Variants in LINGO2 observed in about 807,000 individuals in gnomAD.
The protein encoded by LINGO2 is leucine rich repeat and Ig domain containing 2, also known as leucine-rich repeat and immunoglobulin-like domain-containing nogo receptor-interacting protein 2.
LINGO2 carries 14 observed loss-of-function variants against 30.6 expected under a neutral mutation model. The ratio of observed to expected loss-of-function variants is 0.46; its 90% CI spans 0.30 to 0.72. The LOEUF (loss-of-function observed/expected upper bound fraction) is 0.72, where lower values mean the gene tolerates loss of function less well. Ranked by LOEUF, LINGO2 falls within the 30% of genes least tolerant of loss-of-function variation. The pLI is 0.07. For synonymous variants in LINGO2, 317 were observed against 288.5 expected (o/e 1.10, Z -1.00); for missense variants, 729 against 751.7 (o/e 0.97, Z 0.35).
chr9:28,872,101 C>G, the LINGO2 span, among the ~76,000 whole-genome samples: 7 of 151,902 alleles, frequency 4.6e-5, no homozygotes, highest in Non-Finnish European at 1.0e-4. Flanking sequence ...CATAAAATCA[C>G]AGAACCATAA....
At chr9:28,895,060 T>G in the LINGO2 span, among the ~76,000 whole-genome samples, 1 of 152,146 alleles carries the variant, frequency 6.6e-6, no homozygotes, top group Admixed American at 6.6e-5. Context: ...TTTACTGACC[T>G]AGTTTCTATT....
the LINGO2 span, among the ~76,000 whole-genome samples, chr9:29,065,302 T>G: frequency 3.3e-5 from 5 of 152,176 alleles, no homozygotes. Flanking sequence ...ATTTTTGTTT[T>G]TGTTGCAATT....
chr9:28,943,932 T>C, the LINGO2 span, among the ~76,000 whole-genome samples: 8 of 152,206 alleles, frequency 5.3e-5, no homozygotes, highest in African/African-American at 1.9e-4. Flanking sequence ...TAAACATTCA[T>C]GAGTAACACA....
chr9:29,011,950 G>A, the LINGO2 span, among the ~76,000 whole-genome samples: 1 of 152,104 alleles, frequency 6.6e-6, no homozygotes, highest in African/African-American at 2.4e-5. Context: ...TGGGGAAAAG[G>A]ACAATAACAA....
intron 4 of LINGO2, chr9:28,149,339 G>T: frequency 2.0e-6 from 1 of 501,500 alleles, no homozygotes; most frequent in Non-Finnish European, 3.6e-6. Flanking sequence ...GAGCGCCTCT[G>T]CCCGGCTGCT....
At chr9:28,809,051 G>A in the LINGO2 span, among the ~76,000 whole-genome samples, 1 of 152,112 alleles carries the variant, frequency 6.6e-6, no homozygotes, top group Admixed American at 6.5e-5. Flanking sequence ...TAGGGGGCAT[G>A]GCTTTGCCTG....
chr9:28,613,575 T>C (rs1587960924), intron 1 of LINGO2, among the ~76,000 whole-genome samples: 1 of 152,220 alleles, frequency 6.6e-6, no homozygotes, highest in African/African-American at 2.4e-5. Flanking sequence ...TATAAATATG[T>C]CACCTCTGCC....
intron 1 of LINGO2, among the ~76,000 whole-genome samples, chr9:28,525,242 C>A (rs903524256): frequency 1.3e-5 from 2 of 152,108 alleles, no homozygotes; most frequent in African/African-American, 4.8e-5. Context: ...TTAGAACTAT[C>A]ATTGTCAATA....
At chr9:28,710,472 C>T in the LINGO2 span, among the ~76,000 whole-genome samples, 1 of 151,938 alleles carries the variant, frequency 6.6e-6, no homozygotes, top group Admixed American at 6.6e-5. Flanking sequence ...CTATTAGATG[C>T]CTATTTAGCT....
At chr9:28,100,749 G>C (rs897389177) in intron 4 of LINGO2, among the ~76,000 whole-genome samples, 3 of 152,080 alleles carry the variant, frequency 2.0e-5, no homozygotes, top group Non-Finnish European at 2.9e-5. Context: ...ACTTTGAATT[G>C]TCTTGCCTTC....
At chr9:28,297,387 A>G (rs1034063859) in intron 3 of LINGO2, among the ~76,000 whole-genome samples, 2 of 152,050 alleles carry the variant, frequency 1.3e-5, no homozygotes, top group African/African-American at 4.8e-5. Flanking sequence ...CATTCCACAC[A>G]TTTTATTTGA....
chr9:28,564,736 T>G (rs1420957204), intron 1 of LINGO2, among the ~76,000 whole-genome samples: 4 of 152,150 alleles, frequency 2.6e-5, no homozygotes, highest in African/African-American at 9.6e-5. Flanking sequence ...CTGCACTGTT[T>G]AATGCAATTG....
chr9:29,202,479 G>T, the LINGO2 span, among the ~76,000 whole-genome samples: 3 of 151,924 alleles, frequency 2.0e-5, no homozygotes, highest in South Asian at 2.1e-4. Flanking sequence ...ACATTCATTA[G>T]CACTTTATTC....
the LINGO2 span, among the ~76,000 whole-genome samples, chr9:29,181,239 G>A: frequency 6.6e-6 from 1 of 152,108 alleles, no homozygotes. Context: ...CCTTATCTAT[G>A]AAATAGAAGC....
chr9:28,296,902 CA>C (rs1449100168), intron 3 of LINGO2, among the ~76,000 whole-genome samples: 1 of 152,174 alleles, frequency 6.6e-6, no homozygotes, highest in African/African-American at 2.4e-5. Context: ...TTCATGCCAA[CA>C]TTTTTTTCTA....
intron 4 of LINGO2, among the ~76,000 whole-genome samples, chr9:28,075,146 T>C (rs1369896727): frequency 6.6e-6 from 1 of 151,978 alleles, no homozygotes; most frequent in Non-Finnish European, 1.5e-5. Flanking sequence ...ATAGTTGTAA[T>C]ACATATGTAT....
At chr9:28,588,842 C>A (rs1396108535) in intron 1 of LINGO2, among the ~76,000 whole-genome samples, 2 of 152,022 alleles carry the variant, frequency 1.3e-5, no homozygotes, top group African/African-American at 2.4e-5. Context: ...TGCCTCCTAT[C>A]CCCACCCTTG....
intron 3 of LINGO2, among the ~76,000 whole-genome samples, chr9:28,332,998 A>G (rs1172334294): frequency 6.6e-6 from 1 of 152,154 alleles, no homozygotes; most frequent in Non-Finnish European, 1.5e-5. Context: ...TAACAAGAAA[A>G]TGAAAGTGTT....
At chr9:28,690,193 A>G in the LINGO2 span, among the ~76,000 whole-genome samples, 1 of 152,130 alleles carries the variant, frequency 6.6e-6, no homozygotes, top group Non-Finnish European at 1.5e-5. Flanking sequence ...CCTATGTAAC[A>G]AACTTGTACA....
Sources: allele counts gnomAD v4.1 joint callset (sites outside exome capture counted in the v4.1 genomes callset), GRCh38; gene constraint gnomAD v4.1.1; transcripts MANE v1.5; gene names NCBI Gene and HGNC (gene_info 2026-07-23, HGNC 2026-07-21).